The following LUZP2 variants were observed in gnomAD, a reference collection of about 807,000 sequenced individuals.
LUZP2 encodes the protein leucine zipper protein 2.
In LUZP2, 52 loss-of-function variants were observed where a neutral mutation model predicts 51.6. The ratio of observed to expected loss-of-function variants is 1.01; its 90% CI spans 0.81 to 1.27. The LOEUF (loss-of-function observed/expected upper bound fraction) is 1.27, where lower values mean the gene tolerates loss of function less well. Ranked by LOEUF, LUZP2 falls within the 50% of genes most tolerant of loss-of-function variation. LUZP2 has a pLI of 0.00. For missense variants in LUZP2, 436 were observed against 395.4 expected, an observed-to-expected ratio of 1.10 and a Z score of -0.87; for synonymous variants, 154 against 137.3, an observed-to-expected ratio of 1.12 and a Z score of -0.85.
intron 4 of LUZP2, among the ~76,000 whole-genome samples, chr11:24,743,264 A>G (rs1203581890): frequency 6.6e-6 from 1 of 151,974 alleles, no homozygotes; most frequent in East Asian, 1.9e-4. Context: ...TGTTGAATTT[A>G]TAGATTGCTT....
chr11:25,041,722 C>G (rs1858065708), intron 9 of LUZP2, among the ~76,000 whole-genome samples: 1 of 152,156 alleles, frequency 6.6e-6, no homozygotes, highest in South Asian at 2.1e-4. Flanking sequence ...ATGTCAGCCA[C>G]TTTTACTCTC....
At chr11:24,910,668 G>T (rs1853600108) in intron 6 of LUZP2, among the ~76,000 whole-genome samples, 1 of 152,200 alleles carries the variant, frequency 6.6e-6, no homozygotes. Flanking sequence ...AGGAGGTATG[G>T]AAATGCCTGG....
At chr11:24,551,301 T>C (rs1482216117) in intron 1 of LUZP2, among the ~76,000 whole-genome samples, 1 of 152,072 alleles carries the variant, frequency 6.6e-6, no homozygotes, top group Non-Finnish European at 1.5e-5. Context: ...TGGATGAACC[T>C]TGAACACATT....
chr11:24,599,158 T>C (rs1003060442), intron 1 of LUZP2, among the ~76,000 whole-genome samples: 5 of 152,148 alleles, frequency 3.3e-5, no homozygotes, highest in African/African-American at 1.2e-4. Context: ...GATGAAGACA[T>C]GAAGATAGTC....
At chr11:24,786,475 A>G (rs1554906309) in intron 5 of LUZP2, 1 of 980,882 alleles carries the variant, frequency 1.0e-6, no homozygotes, top group Non-Finnish European at 1.2e-6. Context: ...ACGACTGCCT[A>G]TTTGTAACAC....
chr11:25,042,014 A>T (rs1374472601), intron 9 of LUZP2, among the ~76,000 whole-genome samples: 2 of 152,302 alleles, frequency 1.3e-5, no homozygotes, highest in African/African-American at 4.8e-5. Flanking sequence ...TCGTCTCCCC[A>T]TTCATGGAAA....
chr11:24,816,717 A>T (rs1362589010), intron 5 of LUZP2, among the ~76,000 whole-genome samples: 2 of 152,150 alleles, frequency 1.3e-5, no homozygotes, highest in East Asian at 3.9e-4. Context: ...TAAGTGTTTT[A>T]CAAACATTAG....
At position 24,960,667 on chromosome 11, in the gene LUZP2, A is replaced by G. The variant is rs180826185; in HGVS notation, c.523-15924A>G. On this transcript the variant is annotated intron_variant, in intron 7 of 11. Transcript: ENST00000336930. ...TCTTTATTAGTCTTGCTAGCGGTCT[A>G]TCAATTTTCTTGAGCCTTTCAAAAA... is the stretch of plus-strand genomic sequence containing the variant. Among the ~76,000 whole-genome samples the G allele has an allele frequency of 4.1e-3, 623 of 152,024 alleles. 6 individuals are homozygous for G. Among genetic ancestry groups the G allele is most frequent in the African/African-American group, 0.014 (584 of 41,474 alleles).
intron 5 of LUZP2, among the ~76,000 whole-genome samples, chr11:24,817,477 T>C (rs1353386384): frequency 1.3e-5 from 2 of 152,048 alleles, no homozygotes; most frequent in Non-Finnish European, 2.9e-5. Flanking sequence ...AAGAGCCCAA[T>C]GAAAATTATA....
chr11:24,523,212 A>AT (rs1435587564), intron 1 of LUZP2, among the ~76,000 whole-genome samples: 1 of 151,954 alleles, frequency 6.6e-6, no homozygotes, highest in African/African-American at 2.4e-5. Context: ...TGTTCTTCAC[A>AT]TTCTTTGTCT....
chr11:24,687,872 C>T (rs1856940957), intron 1 of LUZP2, among the ~76,000 whole-genome samples: 1 of 151,960 alleles, frequency 6.6e-6, no homozygotes, highest in African/African-American at 2.4e-5. Context: ...ATATTTTTTT[C>T]AAAAGAAGAG....
chr11:24,646,455 ACAC>A (rs1410773475), intron 1 of LUZP2: 1 of 243,602 alleles, frequency 4.1e-6, no homozygotes, highest in Non-Finnish European at 6.6e-6. Context: ...TTGCTTAGTG[ACAC>A]TATCAGAGAC....
chr11:24,940,308 G>C (rs1021514546), intron 7 of LUZP2, among the ~76,000 whole-genome samples: 2 of 151,992 alleles, frequency 1.3e-5, no homozygotes. Flanking sequence ...ACATATTCAG[G>C]GTAGTAAGGA....
intron 1 of LUZP2, among the ~76,000 whole-genome samples, chr11:24,570,256 T>C (rs552419435): frequency 2.2e-4 from 33 of 152,116 alleles, no homozygotes; most frequent in African/African-American, 7.2e-4. Flanking sequence ...GATGTGTTGA[T>C]ATTTCATAGA....
chr11:25,044,124 A>ATATAGT (rs369918542), intron 9 of LUZP2, among the ~76,000 whole-genome samples: 1 of 114,338 alleles, frequency 8.7e-6, no homozygotes, highest in Non-Finnish European at 2.0e-5. Context: ...TATATCAGAT[A>ATATAGT]CATATGTAGT....
intron 5 of LUZP2, among the ~76,000 whole-genome samples, chr11:24,852,916 A>G (rs1376139764): frequency 1.3e-5 from 2 of 151,316 alleles, no homozygotes; most frequent in African/African-American, 2.4e-5. Flanking sequence ...TTTTCTTTCC[A>G]TTTGCTTGGT....
rs1481083815 is a variant in LUZP2 at position 24,682,633 on chromosome 11, C to T, written c.63-46536C>T. 1.3e-4 allele frequency among the ~76,000 whole-genome samples: 16 copies of T among 121,544 alleles called. No homozygotes were observed. The South Asian group carries it at 3.1e-3, about 24-fold the overall frequency. 79.7% of individuals were successfully genotyped at this position (121,544 alleles called of 152,430 possible). Reference sequence around the variant, plus strand: ...GTGTATGTGTATATATATATATACACATATATATACACACACACACATACA... The same window carrying T: ...GTGTATGTGTATATATATATATACATATATATATACACACACACACATACA... On this transcript the variant is annotated intron_variant, in intron 1 of 11. Coordinates refer to ENST00000336930, the MANE Select transcript of LUZP2 (RefSeq NM_001009909.4).
At chr11:25,067,037 C>T (rs1211954603) in intron 10 of LUZP2, among the ~76,000 whole-genome samples, 3 of 151,846 alleles carry the variant, frequency 2.0e-5, no homozygotes, top group Non-Finnish European at 4.4e-5. Context: ...AAAGGGAAAA[C>T]TCTGAAGGTT....
intron 1 of LUZP2, among the ~76,000 whole-genome samples, chr11:24,726,326 TGTGAA>T (rs1257856132): frequency 2.6e-5 from 4 of 152,008 alleles, no homozygotes; most frequent in African/African-American, 9.7e-5. Context: ...TAGGTGAAGG[TGTGAA>T]GAACACCAGA....
Sources: gnomAD v4.1 joint callset for allele counts (sites outside exome capture counted in the v4.1 genomes callset) on GRCh38, gnomAD v4.1.1 for gene constraint, MANE v1.5 for transcripts, NCBI Gene and HGNC (gene_info 2026-07-23, HGNC 2026-07-21) for gene names.